PTER: variants seen among roughly 807,000 people sequenced by gnomAD.
The protein encoded by PTER is N-acetyltaurine hydrolase.
Under a neutral mutation model 29.6 loss-of-function variants are expected in PTER, and 38 were observed. The ratio of observed to expected loss-of-function variants is 1.28; its 90% CI spans 0.99 to 1.68. PTER has a LOEUF of 1.68. Ranked by LOEUF, PTER falls within the 40% of genes most tolerant of loss-of-function variation. The pLI is 0.00. For synonymous variants in PTER, 172 were observed against 154.5 expected (o/e 1.11, Z -0.84); for missense variants, 482 against 427.8 (o/e 1.13, Z -1.12).
intron 3 of PTER, among the ~76,000 whole-genome samples, chr10:16,490,061 G>A (rs1040554669): frequency 4.6e-5 from 7 of 152,174 alleles, no homozygotes; most frequent in African/African-American, 1.7e-4. Flanking sequence ...AGCTGAAAGT[G>A]CATTTAATAT....
downstream of PTER, among the ~76,000 whole-genome samples, chr10:16,516,948 G>A (rs1388464155): frequency 6.6e-6 from 1 of 152,130 alleles, no homozygotes; most frequent in African/African-American, 2.4e-5. Flanking sequence ...ATACTCCAGT[G>A]TACCTGGCAT....
At chr10:16,452,622 C>T (rs1171496428) in intron 1 of PTER, among the ~76,000 whole-genome samples, 1 of 151,110 alleles carries the variant, frequency 6.6e-6, no homozygotes, top group South Asian at 2.1e-4. Context: ...TGTTTTCTCT[C>T]CTCCTCCTCC....
At chr10:16,501,371 GCACACA>G (rs377037547) in intron 3 of PTER, among the ~76,000 whole-genome samples, 4 of 36,208 alleles carry the variant, frequency 1.1e-4, no homozygotes, top group Non-Finnish European at 1.6e-4. Context: ...ACACACACAT[GCACACA>G]CACACACACA....
intron 1 of PTER, among the ~76,000 whole-genome samples, chr10:16,450,042 A>G (rs1420160934): frequency 6.6e-6 from 1 of 152,154 alleles, no homozygotes; most frequent in Non-Finnish European, 1.5e-5. Context: ...ATCCAACTTT[A>G]TGTTCCATCC....
chr10:16,508,363 C>T (rs907952860), intron 4 of PTER, among the ~76,000 whole-genome samples: 16 of 152,136 alleles, frequency 1.1e-4, no homozygotes, highest in African/African-American at 1.9e-4. Flanking sequence ...CCACCGCGCC[C>T]GGCCTCAACA....
In PTER at chr10:16,494,784, A is replaced by C. The variant is rs145173006; in HGVS notation, c.698+8167A>C. Reference sequence around the variant, plus strand: ...ATTTACTTTCTATTTTTGACATTTAAATTTATTTTTAATTAATTGAGATCA... The same window carrying C: ...ATTTACTTTCTATTTTTGACATTTACATTTATTTTTAATTAATTGAGATCA... On this transcript the variant is annotated intron_variant, in intron 3 of 4. Transcript: ENST00000535784. 2.0e-3 allele frequency among the ~76,000 whole-genome samples: 304 copies of C among 152,314 alleles called. 3 individuals are homozygous for C. Among genetic ancestry groups the C allele is most frequent in the African/African-American group, 6.3e-3 (264 of 41,576 alleles).
At chr10:16,508,606 A>G (rs2133517970) in intron 4 of PTER, among the ~76,000 whole-genome samples, 1 of 152,196 alleles carries the variant, frequency 6.6e-6, no homozygotes, top group South Asian at 2.1e-4. Flanking sequence ...CCTTTTAGCC[A>G]TTTGTTTACC....
intron 3 of PTER, among the ~76,000 whole-genome samples, chr10:16,502,018 A>G (rs1354717516): frequency 6.6e-6 from 1 of 152,246 alleles, no homozygotes; most frequent in Non-Finnish European, 1.5e-5. Context: ...AGCTAAGGCT[A>G]AAGAGTTTTC....
chr10:16,437,535 G>A (rs1833694338), intron 1 of PTER: 1 of 151,974 alleles, frequency 6.6e-6, no homozygotes, highest in African/African-American at 2.4e-5. Context: ...TTTGTAGAGA[G>A]TGTCTCGCCA....
intron 1 of PTER, among the ~76,000 whole-genome samples, chr10:16,468,424 G>T (rs1428805170): frequency 1.3e-5 from 2 of 150,380 alleles, no homozygotes; most frequent in African/African-American, 2.5e-5. Flanking sequence ...CATTTTTGTT[G>T]TTCTTTTCTA....
chr10:16,466,044 G>A (rs6602118), intron 1 of PTER, among the ~76,000 whole-genome samples: 44,226 of 151,956 alleles, frequency 0.29, 6,855 homozygotes, highest in South Asian at 0.46. Flanking sequence ...AGATTTGGGT[G>A]GGGACGTGAA....
At chr10:16,480,118 A>T (rs943164781) in intron 1 of PTER, among the ~76,000 whole-genome samples, 22 of 149,432 alleles carry the variant, frequency 1.5e-4, no homozygotes, top group African/African-American at 5.4e-4. Context: ...TAGACCTTTC[A>T]TGGTTGGGGG....
intron 3 of PTER, among the ~76,000 whole-genome samples, chr10:16,495,440 G>C (rs1041062338): frequency 1.3e-5 from 2 of 152,194 alleles, no homozygotes; most frequent in African/African-American, 4.8e-5. Context: ...AAAGTGCTGG[G>C]AGTATAGGCG....
At chr10:16,453,865 T>A (rs881769) in intron 1 of PTER, among the ~76,000 whole-genome samples, 1 of 151,970 alleles carries the variant, frequency 6.6e-6, no homozygotes, top group African/African-American at 2.4e-5. Flanking sequence ...TGTAACATCT[T>A]TCCACATAGA....
intron 3 of PTER, among the ~76,000 whole-genome samples, chr10:16,492,954 G>A (rs1835954423): frequency 6.6e-6 from 1 of 152,140 alleles, no homozygotes. Flanking sequence ...CAAACTCTTG[G>A]AAAGCTATAA....
At chr10:16,473,031 A>C (rs1835110740) in intron 1 of PTER, among the ~76,000 whole-genome samples, 1 of 151,974 alleles carries the variant, frequency 6.6e-6, no homozygotes, top group Admixed American at 6.6e-5. Context: ...AAAAAAAAAA[A>C]AGGAAAAAAC....
chr10:16,450,480 T>C (rs1834165349), intron 1 of PTER, among the ~76,000 whole-genome samples: 1 of 152,232 alleles, frequency 6.6e-6, no homozygotes, highest in South Asian at 2.1e-4. Context: ...CAGTTTCATC[T>C]GGGTCATCCC....
chr10:16,460,382 C>T (rs1834567517), intron 1 of PTER, among the ~76,000 whole-genome samples: 1 of 152,174 alleles, frequency 6.6e-6, no homozygotes, highest in African/African-American at 2.4e-5. Flanking sequence ...TTTAGGCTAT[C>T]TGACCTTCAA....
intron 3 of PTER, among the ~76,000 whole-genome samples, chr10:16,494,384 T>C (rs1288687835): frequency 4.6e-5 from 7 of 152,206 alleles, no homozygotes; most frequent in Non-Finnish European, 2.9e-5. Context: ...TTCCTTATGA[T>C]GTCATTAAAC....
Sources: gnomAD v4.1 joint callset for allele counts (sites outside exome capture counted in the v4.1 genomes callset) on GRCh38, gnomAD v4.1.1 for gene constraint, MANE v1.5 for transcripts, NCBI Gene and HGNC (gene_info 2026-07-23, HGNC 2026-07-21) for gene names.